Variants in DDR1 observed in about 807,000 individuals in gnomAD.
DDR1 encodes discoidin domain receptor tyrosine kinase 1, also known as epithelial discoidin domain-containing receptor 1.
A neutral mutation model predicts 97.4 loss-of-function variants in DDR1; 64 were observed. The observed-to-expected ratio is 0.66, with a 90% CI of 0.54 to 0.81. The LOEUF is 0.81. Among genes scored for constraint, DDR1 ranks in the 30% least tolerant of loss-of-function variants. The pLI, the probability that DDR1 is intolerant of heterozygous loss-of-function variation, is 0.00. For missense variants in DDR1, 990 were observed against 1,259.6 expected (o/e 0.79, Z 3.24); for synonymous variants, 458 against 503.7 (o/e 0.91, Z 1.21).
chr6:30,899,111 A>G, intron 17 of DDR1, 45 bp from the exon 18 acceptor site: 1 of 1,614,100 alleles, frequency 6.2e-7, no homozygotes, highest in Non-Finnish European at 8.5e-7. Flanking sequence ...TTGGAGACTA[A>G]AGAATATTTG....
chr6:30,891,548 TGTGTGTGTGA>T lies in DDR1; in HGVS notation c.665+71_665+80del, dbSNP rs1442930840. 1.4e-4 allele frequency: 129 copies of T among 951,372 alleles called. 2 individuals are homozygous for T. The highest frequency in any genetic ancestry group is 2.2e-4 in the Middle Eastern group (1 of 4,580). The allele number at this position is 951,372 out of a possible 1,614,324, so 58.9% of individuals were successfully genotyped here. On this transcript the variant is annotated intron_variant, in intron 6 of 17. Coordinates refer to ENST00000376568, the MANE Select transcript of DDR1 (RefSeq NM_001297654.2). The surrounding 1 kb of genome is among the most constrained non-coding windows in gnomAD (Gnocchi z 5.3). ...AGGACTGTGTGTGTGTGTGTGTGTGTGTGTGTGTGAGAGTGTGTGTGTGTAGGGGGGCTGG... is the reference window on the plus strand; with the variant it reads ...AGGACTGTGTGTGTGTGTGTGTGTGTGAGTGTGTGTGTGTAGGGGGGCTGG...
rs1208663972 is a variant in DDR1 at position 30,895,448 on chromosome 6, T to TA, written c.1559dup (p.Tyr520Ter). 4.3e-6 allele frequency: 7 copies of TA among 1,610,016 alleles called. No homozygotes were observed. Among genetic ancestry groups the TA allele is most frequent in the South Asian group, 2.2e-5 (2 of 90,562 alleles). Residue 520 changes from tyrosine (Y) to a stop codon, truncating the protein, a stop_gained and frameshift_variant, in exon 12 of 18, where the codon TAC becomes TAAC. Transcript: ENST00000376568. LOFTEE classifies it high-confidence loss of function. ...NPAYRLLLAT[Y>*]ARPPRGPGPP... ...AGCCTACCGCCTCCTTCTGGCCACTTACGCCCGTCCCCCTCGAGGCCCGGG... is the reference window on the plus strand; with the variant it reads ...AGCCTACCGCCTCCTTCTGGCCACTTAACGCCCGTCCCCCTCGAGGCCCGGG...
Position 30,886,822 on chromosome 6 carries a change from A to G in DDR1, c.-42-1866A>G, listed in dbSNP as rs1786030798. On this transcript the variant is annotated intron_variant, in intron 1 of 17. Coordinates refer to ENST00000376568, the MANE Select transcript of DDR1 (RefSeq NM_001297654.2). This position sits in a 1 kb window ranked among gnomAD's most constrained non-coding sequence, Gnocchi z 4.6. ...CTGGAGACTTCAGTACAGGGCTCTG[A>G]GACCAGTACAGGTTAGGATAGCTTT... 1 of 152,250 alleles carries G rather than the reference A, an allele frequency of 6.6e-6. No homozygotes were observed. Among genetic ancestry groups the G allele is most frequent in the South Asian group, 2.1e-4 (1 of 4,826 alleles). 9.4% of individuals were successfully genotyped at this position (152,250 alleles called of 1,614,324 possible). A position where few individuals can be genotyped will look rare whatever the true frequency, so the allele number is the denominator to read the frequency against.
chr6:30,882,380 C>T (rs1581981432), upstream of DDR1, among the ~76,000 whole-genome samples: 1 of 152,166 alleles, frequency 6.6e-6, no homozygotes, highest in African/African-American at 2.4e-5. The surrounding 1 kb of genome is among the most constrained non-coding windows in gnomAD (Gnocchi z 4.8). Flanking sequence ...CACAGGGGGC[C>T]TCTGGGGTTC....
rs1791685874 is a variant in DDR1, at chr6:30,898,300, T to A, written c.2444T>A (p.Ile815Asn). 2 of 1,612,412 alleles carry A rather than the reference T, an allele frequency of 1.2e-6. No homozygotes were observed. The highest frequency in any genetic ancestry group is 2.7e-5 in the African/African-American group (2 of 74,874). ...LPIRWMAWECILMGKFTTASD... is the reference protein window; with the variant it reads ...LPIRWMAWECNLMGKFTTASD... ...ATCCGCTGGATGGCCTGGGAGTGCA[T>A]CCTCATGGTGAGCAGCCCGAGGACA... The change falls in exon 16 of 18, where the codon ATC becomes AAC. Residue 815 changes from isoleucine (I) to asparagine (N), a missense_variant. Transcript: ENST00000376568.
Position 30,886,496 on chromosome 6 carries a change from C to T in DDR1, c.-43+1786C>T, listed in dbSNP as rs1465057244. On this transcript the variant is annotated intron_variant, in intron 1 of 17. Coordinates refer to ENST00000376568, the MANE Select transcript of DDR1 (RefSeq NM_001297654.2). This position sits in a 1 kb window ranked among gnomAD's most constrained non-coding sequence, Gnocchi z 4.6. ...CTGCTTCAGAGCTCTGGGGTCTCAG[C>T]TGCCTCTTACATTCCTGCCCTAGTG... 6.6e-6 allele frequency among the ~76,000 whole-genome samples: 1 copy of T among 152,222 alleles called. No individual in the cohort carries two copies. The highest frequency in any genetic ancestry group is 1.5e-5 in the Non-Finnish European group (1 of 68,030).
At position 30,893,119 on chromosome 6, in the gene DDR1, C is replaced by G. The variant is rs1402725114; in HGVS notation, c.1151C>G (p.Pro384Arg). 2 of 1,611,594 alleles carry G rather than the reference C, an allele frequency of 1.2e-6. No homozygotes were observed. Among genetic ancestry groups the G allele is most frequent in the East Asian group, 2.2e-5 (1 of 44,890 alleles). ...CTGGGAGGCACCTTCCCGCCAGCCCCCTGGTGGCCGCCTGGCCCACCTCCC... is the reference window on the plus strand; with the variant it reads ...CTGGGAGGCACCTTCCCGCCAGCCCGCTGGTGGCCGCCTGGCCCACCTCCC... ...PALGGTFPPA[P>R]WWPPGPPPTN... The change falls in exon 9 of 18, where the codon CCC becomes CGC. Residue 384 changes from proline (P) to arginine (R), a missense_variant. Transcript: ENST00000376568.
chr6:30,897,847 C>T lies in DDR1; in HGVS notation c.2217-226C>T, dbSNP rs769306877. On this transcript the variant is annotated intron_variant, in intron 15 of 17. Transcript: ENST00000376568. The surrounding 1 kb of genome is among the most constrained non-coding windows in gnomAD (Gnocchi z 5.2). ...GACGTCCCTTCTGCTTTCTCTCACC[C>T]TCACTCCCCTCTGAGTCCAGATTGG... 4.6e-5 allele frequency among the ~76,000 whole-genome samples: 7 copies of T among 152,196 alleles called. No homozygotes were observed. The highest frequency in any genetic ancestry group is 1.0e-4 in the Non-Finnish European group (7 of 68,018).
Position 30,885,629 on chromosome 6 carries a change from C to G in DDR1, c.-43+919C>G. ...TCTGTCATTTCATGTTCACAGGTGT[C>G]TGAAGGTGGCTATTCACTGAGCGAT... On this transcript the variant is annotated intron_variant, in intron 1 of 17. Transcript: ENST00000376568. 3 of 1,355,392 alleles carry G rather than the reference C, an allele frequency of 2.2e-6. No homozygotes were observed. In the Admixed American group the frequency reaches 6.7e-5, roughly 30 times the overall value. 84.0% of individuals were successfully genotyped at this position (1,355,392 alleles called of 1,614,324 possible).
In DDR1 at chr6:30,894,738, C is replaced by T; in HGVS notation, c.1513+67C>T. On this transcript the variant is annotated intron_variant, in intron 11 of 17. Transcript: ENST00000376568. This position sits in a 1 kb window ranked among gnomAD's most constrained non-coding sequence, Gnocchi z 5.7. ...CTGTTTTCTTATTGTATCCCTTTCC[C>T]ATTCTCTTTTTTTCCTGTCTTCCCC... is the stretch of plus-strand genomic sequence containing the variant. 3.4e-6 allele frequency: 5 copies of T among 1,465,720 alleles called. No individual in the cohort carries two copies. Among genetic ancestry groups the T allele is most frequent in the Non-Finnish European group, 4.5e-6 (5 of 1,100,552 alleles). The allele number at this position is 1,465,720 out of a possible 1,614,324, so 90.8% of individuals were successfully genotyped here. A position where few individuals can be genotyped will look rare whatever the true frequency, so the allele number is the denominator to read the frequency against.
Position 30,897,253 on chromosome 6 carries a change from G to A in DDR1, c.1997+112G>A. 2 of 1,431,898 alleles carry A rather than the reference G, an allele frequency of 1.4e-6. No individual in the cohort carries two copies. Among genetic ancestry groups the A allele is most frequent in the Non-Finnish European group, 1.9e-6 (2 of 1,074,560 alleles). The allele number at this position is 1,431,898 out of a possible 1,614,324, so 88.7% of individuals were successfully genotyped here. On this transcript the variant is annotated intron_variant, in intron 14 of 17. Coordinates refer to ENST00000376568, the MANE Select transcript of DDR1 (RefSeq NM_001297654.2). The surrounding 1 kb of genome is among the most constrained non-coding windows in gnomAD (Gnocchi z 5.2). ...ACAGAGGGGTGGCATCTCTGGGAGGGGATTTACATGTACGCTGGGGGTGGG... is the reference window on the plus strand; with the variant it reads ...ACAGAGGGGTGGCATCTCTGGGAGGAGATTTACATGTACGCTGGGGGTGGG...
chr6:30,884,398 G>GC (rs1283791935), upstream of DDR1: 3 of 151,832 alleles, frequency 2.0e-5, no homozygotes, highest in Non-Finnish European at 4.4e-5. This position sits in a 1 kb window ranked among gnomAD's most constrained non-coding sequence, Gnocchi z 6.1. Flanking sequence ...AGGGAGGGCT[G>GC]CGAGCCCGAA....
chr6:30,892,761 T>G (rs1789018280), intron 8 of DDR1: 1 of 618,894 alleles, frequency 1.6e-6, no homozygotes, highest in African/African-American at 1.9e-5. Flanking sequence ...CCGTGACTAT[T>G]ATTGAGCCAG....
At chr6:30,896,406 G>A (rs937142589) in intron 12 of DDR1, among the ~76,000 whole-genome samples, 1 of 152,008 alleles carries the variant, frequency 6.6e-6, no homozygotes, top group African/African-American at 2.4e-5. Context: ...CATATTCATT[G>A]CCTTGAAAAG....
rs768724096 is a variant in DDR1, at chr6:30,893,361, C to A, written c.1285C>A (p.Leu429Ile). 1 of 1,608,072 alleles carries A rather than the reference C, an allele frequency of 6.2e-7. No individual in the cohort carries two copies. Among genetic ancestry groups the A allele is most frequent in the African/African-American group, 1.3e-5 (1 of 74,930 alleles). Residue 429 changes from leucine (L) to isoleucine (I), a missense_variant, in exon 10 of 18, where the codon CTC (leucine) becomes ATC (isoleucine). Coordinates refer to ENST00000376568, the MANE Select transcript of DDR1 (RefSeq NM_001297654.2). ...LIGCLVAIIL[L>I]LLLIIALMLW... ...CGGCTGCCTGGTGGCCATCATCCTG[C>A]TCCTGCTGCTCATCATTGCCCTCAT...
rs1562398393 is a variant in DDR1, at chr6:30,894,934, T to C, written c.1513+263T>C. On this transcript the variant is annotated intron_variant, in intron 11 of 17. Coordinates refer to ENST00000376568, the MANE Select transcript of DDR1 (RefSeq NM_001297654.2). The surrounding 1 kb of genome is among the most constrained non-coding windows in gnomAD (Gnocchi z 5.7). ...CTCTATCTTTGTTGTACCCTCTCAT[T>C]GTGTCTCCCTGGCCCCTTTGCTTTG... Among the ~76,000 whole-genome samples, 1 of 152,116 alleles carries C rather than the reference T, an allele frequency of 6.6e-6. No homozygotes were observed.
chr6:30,892,237 C>A (rs962120521), intron 7 of DDR1, 49 bp downstream of exon 7: 1 of 1,606,160 alleles, frequency 6.2e-7, no homozygotes, highest in Non-Finnish European at 8.5e-7. Context: ...TGCAGGGTGC[C>A]GTTGGGGTGC....
chr6:30,895,625 C>T (rs541176280), intron 12 of DDR1, 111 bp downstream of exon 12: 2 of 634,432 alleles, frequency 3.2e-6, no homozygotes, highest in East Asian at 6.0e-5. Flanking sequence ...CTATTCTGCT[C>T]TCCTGAGCTC....
chr6:30,896,618 C>T lies in DDR1; in HGVS notation c.1625-3C>T, dbSNP rs753943334. On this transcript the variant is annotated splice_polypyrimidine_tract_variant and splice_region_variant and intron_variant, in intron 12 of 17. Coordinates refer to ENST00000376568, the MANE Select transcript of DDR1 (RefSeq NM_001297654.2). ...CCTGTCTTCTTTCCCCTCACCCCTG[C>T]AGCCTACAGTGGGGACTATATGGAG... 1.2e-6 allele frequency: 2 copies of T among 1,612,386 alleles called. No individual in the cohort carries two copies. Among genetic ancestry groups the T allele is most frequent in the African/African-American group, 2.7e-5 (2 of 74,874 alleles).
Sources: gnomAD v4.1 joint callset for allele counts (sites outside exome capture counted in the v4.1 genomes callset) on GRCh38, gnomAD v4.1.1 for gene constraint, Gnocchi (gnomAD v3.1) non-coding constraint, MANE v1.5 for transcripts, NCBI Gene and HGNC (gene_info 2026-07-23, HGNC 2026-07-21) for gene names.